UBE2D2: variants seen among roughly 807,000 people sequenced by gnomAD.
UBE2D2 encodes the protein ubiquitin-conjugating enzyme E2 D2.
In UBE2D2, 2 loss-of-function variants were observed where a neutral mutation model predicts 24.2. The observed-to-expected ratio is 0.08, with a 90% CI of 0.03 to 0.26. The LOEUF is 0.26. UBE2D2 is among the 10% of genes least tolerant of loss of function. The pLI is 1.00. For missense variants in UBE2D2, 44 were observed against 177.6 expected (o/e 0.25, Z 4.28); for synonymous variants, 58 against 56.5 (o/e 1.03, Z -0.12).
At chr5:139,545,672 C>T (rs934112750) in intron 1 of UBE2D2, among the ~76,000 whole-genome samples, 1 of 151,356 alleles carries the variant, frequency 6.6e-6, no homozygotes, top group African/African-American at 2.4e-5. Context: ...GATCCACTCG[C>T]CTCGACCTCC....
chr5:139,532,913 C>A (rs1415337756), intron 1 of UBE2D2, among the ~76,000 whole-genome samples: 1 of 152,018 alleles, frequency 6.6e-6, no homozygotes, highest in Non-Finnish European at 1.5e-5. Context: ...TTGAGACCAG[C>A]CTGGCCAACA....
In UBE2D2 at chr5:139,592,596, CTTTTTTTTT is replaced by C. The variant is rs34558950; in HGVS notation, c.25-7762_25-7754del. Among the ~76,000 whole-genome samples the C allele has an allele frequency of 7.2e-4, 76 of 104,900 alleles. 7 individuals carry two copies. In the East Asian group the frequency reaches 0.02, roughly 28 times the overall value. The allele number at this position is 104,900 out of a possible 152,430, so 68.8% of individuals were successfully genotyped here. ...TGTTGTTTCTTTGCAGTTCAGTAAT[CTTTTTTTTT>C]TTTTTTTTTTTTTGAGAGATGGAGT... On this transcript the variant is annotated intron_variant, in intron 1 of 6. Transcript: ENST00000398733.
chr5:139,575,667 T>C (rs1240271853), intron 1 of UBE2D2, among the ~76,000 whole-genome samples: 2 of 152,216 alleles, frequency 1.3e-5, no homozygotes, highest in African/African-American at 2.4e-5. Context: ...CCACCTGTAA[T>C]GCATCATGCC....
At position 139,612,090 on chromosome 5, in the gene UBE2D2, G is replaced by C. The variant is rs149981957; in HGVS notation, c.89-2496G>C. 51 of 178,494 alleles carry C rather than the reference G, an allele frequency of 2.9e-4. No individual in the cohort carries two copies. The East Asian group carries it at 6.6e-3, about 23-fold the overall frequency. The allele number at this position is 178,494 out of a possible 1,614,324, so 11.1% of individuals were successfully genotyped here. On this transcript the variant is annotated intron_variant, in intron 2 of 6. Coordinates refer to ENST00000398733, the MANE Select transcript of UBE2D2 (RefSeq NM_003339.3). ...TTTGGCATGAGTTACACATAAGTTGGTGTCTTCATAAAGGCTCATCAGATA... is the reference window on the plus strand; with the variant it reads ...TTTGGCATGAGTTACACATAAGTTGCTGTCTTCATAAAGGCTCATCAGATA...
chr5:139,612,082 A>G (rs889548361), intron 2 of UBE2D2: 13 of 174,122 alleles, frequency 7.5e-5, no homozygotes, highest in Non-Finnish European at 1.4e-4. Context: ...TGAGTTACAC[A>G]TAAGTTGGTG....
At chr5:139,564,774 C>G (rs1388032807) in intron 1 of UBE2D2, among the ~76,000 whole-genome samples, 1 of 152,076 alleles carries the variant, frequency 6.6e-6, no homozygotes, top group Non-Finnish European at 1.5e-5. Flanking sequence ...TTTTAGAATT[C>G]AATATTAACC....
intron 1 of UBE2D2, among the ~76,000 whole-genome samples, chr5:139,585,194 C>T (rs1234569910): frequency 1.3e-5 from 2 of 151,562 alleles, no homozygotes; most frequent in African/African-American, 4.9e-5. Flanking sequence ...GCCACGGTGC[C>T]CGGCTGCGTG....
At chr5:139,547,151 C>T (rs946420967) in intron 1 of UBE2D2, among the ~76,000 whole-genome samples, 1 of 151,708 alleles carries the variant, frequency 6.6e-6, no homozygotes, top group African/African-American at 2.4e-5. Context: ...ATTAGACAGG[C>T]GTAGTGGCGG....
chr5:139,546,971 G>A (rs899584503), intron 1 of UBE2D2, among the ~76,000 whole-genome samples: 22 of 150,442 alleles, frequency 1.5e-4, no homozygotes, highest in Non-Finnish European at 3.1e-4. Flanking sequence ...TTGGCTCACT[G>A]CAACCTCCTT....
intron 1 of UBE2D2, among the ~76,000 whole-genome samples, chr5:139,556,016 C>A (rs1752977527): frequency 6.8e-6 from 1 of 146,572 alleles, no homozygotes; most frequent in Non-Finnish European, 1.5e-5. Flanking sequence ...GTGGGCGGAT[C>A]ACCTGAGGTC....
rs552786516 is a variant in UBE2D2 at position 139,577,538 on chromosome 5, C to T, written c.24+15723C>T. ...AAGCAATTCTCCTCTCACATCCTCT[C>T]GAGTAGCTAGGATTACAGGTGCATG... On this transcript the variant is annotated intron_variant, in intron 1 of 6. Transcript: ENST00000398733. Among the ~76,000 whole-genome samples, 14 of 151,140 alleles carry T rather than the reference C, an allele frequency of 9.3e-5. 1 individual carries two copies. In the South Asian group the frequency reaches 1.7e-3, roughly 18 times the overall value.
intron 1 of UBE2D2, among the ~76,000 whole-genome samples, chr5:139,580,761 T>A (rs776045505): frequency 1.9e-4 from 29 of 152,284 alleles, no homozygotes; most frequent in Non-Finnish European, 3.5e-4. Context: ...AAATATTTTT[T>A]AAAATAAGCA....
chr5:139,582,853 G>A (rs1278192059), intron 1 of UBE2D2, among the ~76,000 whole-genome samples: 5 of 151,658 alleles, frequency 3.3e-5, no homozygotes, highest in African/African-American at 1.2e-4. Context: ...TGTAGTTTTA[G>A]TAGAGATGGG....
intron 2 of UBE2D2, among the ~76,000 whole-genome samples, chr5:139,605,582 ACT>A (rs1410272569): frequency 3.3e-5 from 4 of 121,164 alleles, no homozygotes; most frequent in Admixed American, 9.0e-5. Context: ...ACAGAGCAAG[ACT>A]CTGTCTCAAA....
intron 1 of UBE2D2, among the ~76,000 whole-genome samples, chr5:139,542,796 T>G (rs1034968888): frequency 6.6e-6 from 1 of 152,218 alleles, no homozygotes; most frequent in Non-Finnish European, 1.5e-5. Flanking sequence ...ATTCTACACA[T>G]GCTACAACAT....
At chr5:139,550,715 G>A (rs1236859197) in intron 1 of UBE2D2, among the ~76,000 whole-genome samples, 1 of 150,956 alleles carries the variant, frequency 6.6e-6, no homozygotes, top group African/African-American at 2.4e-5. Context: ...CCCATGGGAG[G>A]AATGAGTAAC....
At chr5:139,581,665 G>A (rs562792554) in intron 1 of UBE2D2, among the ~76,000 whole-genome samples, 1 of 151,834 alleles carries the variant, frequency 6.6e-6, no homozygotes, top group East Asian at 1.9e-4. Context: ...TATGTAGTTT[G>A]TTTGTTTGTT....
At chr5:139,562,252 A>G in intron 1 of UBE2D2, 2 of 1,363,574 alleles carry the variant, frequency 1.5e-6, no homozygotes, top group South Asian at 1.1e-5. Flanking sequence ...AGCTCCCTCC[A>G]CAAAACCGCC....
chr5:139,620,164 G>A (rs1193451763), intron 5 of UBE2D2, among the ~76,000 whole-genome samples: 6 of 152,140 alleles, frequency 3.9e-5, no homozygotes, highest in African/African-American at 1.2e-4. Context: ...CACCTCCAAC[G>A]TTGGGGATTA....
Sources: gnomAD v4.1 joint callset for allele counts (sites outside exome capture counted in the v4.1 genomes callset) on GRCh38, gnomAD v4.1.1 for gene constraint, MANE v1.5 for transcripts, NCBI Gene and HGNC (gene_info 2026-07-23, HGNC 2026-07-21) for gene names.